The following SLCO3A1 variants were observed in gnomAD, a reference collection of about 807,000 sequenced individuals.
SLCO3A1 encodes the protein PGE1 transporter.
A neutral mutation model predicts 63.1 loss-of-function variants in SLCO3A1; 27 were observed. That is an observed-to-expected ratio of 0.43 (90% CI 0.32 to 0.59). SLCO3A1 has a LOEUF of 0.59. Among genes scored for constraint, SLCO3A1 ranks in the 20% least tolerant of loss-of-function variants. The pLI is 0.09. For synonymous variants in SLCO3A1, 473 were observed against 409.9 expected (o/e 1.15, Z -1.86); for missense variants, 773 against 945.8 (o/e 0.82, Z 2.40).
intron 7 of SLCO3A1, among the ~76,000 whole-genome samples, chr15:92,132,694 G>A (rs1470051156): frequency 6.9e-6 from 1 of 144,912 alleles, no homozygotes; most frequent in Admixed American, 6.9e-5. Flanking sequence ...CAGTTTGTAG[G>A]GTACTGATGA....
intron 2 of SLCO3A1, among the ~76,000 whole-genome samples, chr15:92,016,030 G>A (rs1168860037): frequency 6.6e-6 from 1 of 152,152 alleles, no homozygotes; most frequent in Non-Finnish European, 1.5e-5. Flanking sequence ...TTTCAGGATA[G>A]GGCACTCCAA....
intron 4 of SLCO3A1, among the ~76,000 whole-genome samples, chr15:92,113,399 A>G (rs1245076402): frequency 2.6e-5 from 4 of 152,024 alleles, no homozygotes; most frequent in African/African-American, 7.2e-5. Flanking sequence ...TGGGGGAGTT[A>G]TCCCCGCCAG....
chr15:91,995,207 G>A (rs2046176334), intron 2 of SLCO3A1, among the ~76,000 whole-genome samples: 1 of 152,118 alleles, frequency 6.6e-6, no homozygotes, highest in Non-Finnish European at 1.5e-5. Context: ...GTGATTTACG[G>A]GAGAGCAGCA....
chr15:91,936,694 G>A (rs1180152885), intron 2 of SLCO3A1, among the ~76,000 whole-genome samples: 1 of 152,200 alleles, frequency 6.6e-6, no homozygotes, highest in Non-Finnish European at 1.5e-5. Context: ...ATACATAGAG[G>A]AGTAGGAGTT....
At chr15:91,909,506 C>G (rs368291053) in intron 1 of SLCO3A1, among the ~76,000 whole-genome samples, 2 of 152,154 alleles carry the variant, frequency 1.3e-5, no homozygotes, top group South Asian at 4.1e-4. Flanking sequence ...AGGACCACAG[C>G]GAGATTGACA....
intron 2 of SLCO3A1, among the ~76,000 whole-genome samples, chr15:92,001,128 A>G (rs1205862027): frequency 4.6e-5 from 7 of 151,806 alleles, no homozygotes; most frequent in Non-Finnish European, 1.5e-5. Flanking sequence ...CAAAAAAGAA[A>G]AAAAGAAAAA....
intron 2 of SLCO3A1, among the ~76,000 whole-genome samples, chr15:92,051,051 C>G (rs780674286): frequency 5.9e-5 from 9 of 152,246 alleles, no homozygotes; most frequent in Non-Finnish European, 1.3e-4. Context: ...CCACGTCACT[C>G]TGTCACATAC....
At chr15:91,888,943 A>G (rs1897797014) in intron 1 of SLCO3A1, among the ~76,000 whole-genome samples, 1 of 150,942 alleles carries the variant, frequency 6.6e-6, no homozygotes, top group Admixed American at 6.6e-5. Flanking sequence ...CAGGAGCATA[A>G]GGTTTCGGGG....
At chr15:92,076,492 A>G (rs566705071) in intron 2 of SLCO3A1, among the ~76,000 whole-genome samples, 1 of 152,310 alleles carries the variant, frequency 6.6e-6, no homozygotes, top group Non-Finnish European at 1.5e-5. Flanking sequence ...TGCCCTATGC[A>G]TGATCACTGA....
At chr15:92,066,988 T>C (rs1210849527) in intron 2 of SLCO3A1, among the ~76,000 whole-genome samples, 2 of 152,198 alleles carry the variant, frequency 1.3e-5, no homozygotes, top group African/African-American at 4.8e-5. Flanking sequence ...TCCCAGGGTG[T>C]CTCAGGGAGT....
chr15:92,017,294 G>T (rs186982207), intron 2 of SLCO3A1, among the ~76,000 whole-genome samples: 1 of 151,778 alleles, frequency 6.6e-6, no homozygotes, highest in African/African-American at 2.4e-5. Flanking sequence ...TTGGGGGGGG[G>T]TAGGGAAAGA....
At chr15:91,966,844 G>C (rs964316122) in intron 2 of SLCO3A1, among the ~76,000 whole-genome samples, 1 of 152,210 alleles carries the variant, frequency 6.6e-6, no homozygotes, top group Admixed American at 6.5e-5. Context: ...GAAAGATAAG[G>C]TGGCGCTTTG....
chr15:92,004,325 A>G (rs2151456497), intron 2 of SLCO3A1, among the ~76,000 whole-genome samples: 1 of 152,300 alleles, frequency 6.6e-6, no homozygotes, highest in Middle Eastern at 3.4e-3. Flanking sequence ...GACCATGACG[A>G]TGGTGTCCGT....
Position 91,859,804 on chromosome 15 carries a change from T to C in SLCO3A1, c.180+5716T>C, listed in dbSNP as rs1010603487. On this transcript the variant is annotated intron_variant, in intron 1 of 9. Coordinates refer to ENST00000318445, the MANE Select transcript of SLCO3A1 (RefSeq NM_013272.4). This position sits in a 1 kb window ranked among gnomAD's most constrained non-coding sequence, Gnocchi z 5.1. Reference sequence around the variant, plus strand: ...TTAGCTATTACTATTAATAATAATATGGTTATGCATATTTACTGCAAACAT... The same window carrying C: ...TTAGCTATTACTATTAATAATAATACGGTTATGCATATTTACTGCAAACAT... 6.6e-6 allele frequency among the ~76,000 whole-genome samples: 1 copy of C among 152,238 alleles called. No individual in the cohort carries two copies. The highest frequency in any genetic ancestry group is 2.4e-5 in the African/African-American group (1 of 41,458).
chr15:91,938,516 TCA>T (rs1316868428), intron 2 of SLCO3A1, among the ~76,000 whole-genome samples: 4 of 151,024 alleles, frequency 2.6e-5, no homozygotes, highest in African/African-American at 7.3e-5. Flanking sequence ...GGTATTTGTG[TCA>T]CAGTTACAAG....
intron 2 of SLCO3A1, among the ~76,000 whole-genome samples, chr15:91,994,355 A>G (rs1290839985): frequency 6.6e-6 from 1 of 152,032 alleles, no homozygotes; most frequent in South Asian, 2.1e-4. Flanking sequence ...TTTTACTTTT[A>G]ATTTTTATGG....
At chr15:92,007,033 G>A (rs2046320715) in intron 2 of SLCO3A1, among the ~76,000 whole-genome samples, 1 of 152,184 alleles carries the variant, frequency 6.6e-6, no homozygotes, top group South Asian at 2.1e-4. Context: ...ATATTATACC[G>A]ATTTAGCACT....
chr15:91,926,639 C>T (rs1477854032), intron 2 of SLCO3A1, among the ~76,000 whole-genome samples: 1 of 138,354 alleles, frequency 7.2e-6, no homozygotes, highest in Admixed American at 7.3e-5. Context: ...ACATAATAGA[C>T]AAATATGAAG....
Position 92,147,109 on chromosome 15 carries a change from C to A in SLCO3A1, c.1638C>A (p.Cys546Ter). ...FLTFLCVMCICSLIGAMAQTP... is the reference protein window; with the variant it reads ...FLTFLCVMCI ...CTTTCCTCTGTGTGATGTGTATCTGCAGCCTGATCGGTGCCATGGCACAGA... is the reference window on the plus strand; with the variant it reads ...CTTTCCTCTGTGTGATGTGTATCTGAAGCCTGATCGGTGCCATGGCACAGA... Residue 546 changes from cysteine (C) to a stop codon, truncating the protein, a stop_gained, in exon 8 of 10, where the codon TGC becomes TGA. Coordinates refer to ENST00000318445, the MANE Select transcript of SLCO3A1 (RefSeq NM_013272.4). LOFTEE classifies it high-confidence loss of function. 6.2e-7 allele frequency: 1 copy of A among 1,612,560 alleles called. No individual in the cohort carries two copies. The highest frequency in any genetic ancestry group is 8.5e-7 in the Non-Finnish European group (1 of 1,179,966).
Sources: gnomAD v4.1 joint callset for allele counts (sites outside exome capture counted in the v4.1 genomes callset) on GRCh38, gnomAD v4.1.1 for gene constraint, Gnocchi (gnomAD v3.1) non-coding constraint, MANE v1.5 for transcripts, NCBI Gene and HGNC (gene_info 2026-07-23, HGNC 2026-07-21) for gene names.